The following SP5 variants were observed in gnomAD, a reference collection of about 807,000 sequenced individuals.
SP5 encodes Sp5 transcription factor, also known as transcription factor Sp5.
In SP5, 12 loss-of-function variants were observed where a neutral mutation model predicts 27.4. The observed-to-expected ratio is 0.44, with a 90% confidence interval of 0.28 to 0.71. The LOEUF is 0.71. Ranked by LOEUF, SP5 falls within the 30% of genes least tolerant of loss-of-function variation. SP5 has a pLI of 0.15. For synonymous variants in SP5, 330 were observed against 290.7 expected (o/e 1.14, Z -1.38); for missense variants, 660 against 589.8 (o/e 1.12, Z -1.23).
chr2:170,715,388 A>G lies in SP5; in HGVS notation c.-125A>G. On this transcript the variant is annotated 5_prime_UTR_variant, in exon 1 of 2. Transcript: ENST00000375281. The stretch of plus-strand genomic sequence containing the variant: ...GGCGCGGCGAGGGGCAAGGGCGGGG[A>G]GGGCCCCGGCGCTCAGAGCAGGCGC... 7.7e-7 allele frequency: 1 copy of G among 1,294,162 alleles called. No individual in the cohort carries two copies. The highest frequency in any genetic ancestry group is 1.0e-6 in the Non-Finnish European group (1 of 987,844). The allele number at this position is 1,294,162 out of a possible 1,614,324, so 80.2% of individuals were successfully genotyped here.
At chr2:170,715,745 G>C in intron 1 of SP5, 182 bp downstream of exon 1, 1 of 985,446 alleles carries the variant, frequency 1.0e-6, no homozygotes, top group Non-Finnish European at 1.2e-6. Context: ...CTGGAGGGAC[G>C]CGTGGATCCG....
intron 1 of SP5, 54 bp from the exon 2 acceptor site, chr2:170,716,205 G>A (rs1248597080): frequency 6.5e-7 from 1 of 1,541,828 alleles, no homozygotes; most frequent in South Asian, 1.2e-5. Context: ...CCCGGAGTCC[G>A]CGCTTGGAGC....
chr2:170,716,135 G>A, intron 1 of SP5, 124 bp from the exon 2 acceptor site: 1 of 1,411,540 alleles, frequency 7.1e-7, no homozygotes, highest in Admixed American at 3.0e-5. Flanking sequence ...GGCGGGGGAG[G>A]GACGGCCGGG....
chr2:170,717,496 C>T lies in SP5; in HGVS notation c.*92C>T, dbSNP rs1445596996. On this transcript the variant is annotated 3_prime_UTR_variant, in exon 2 of 2. Transcript: ENST00000375281. ...GCGGAGGGGAGACTCAGCAGACGGA[C>T]CCTCTCCGTTGCCTGCCTCCCAAAA... 6.7e-7 allele frequency: 1 copy of T among 1,485,182 alleles called. No homozygotes were observed. The highest frequency in any genetic ancestry group is 9.0e-7 in the Non-Finnish European group (1 of 1,108,790). The allele number at this position is 1,485,182 out of a possible 1,614,324, so 92.0% of individuals were successfully genotyped here. A position where few individuals can be genotyped will look rare whatever the true frequency, so the allele number is the denominator to read the frequency against.
rs1700077450 is a variant in SP5, at chr2:170,716,699, T to TCCGCCGCCGCCACCGCCC, written c.501_518dup (p.Pro168_Pro173dup). 5.3e-6 allele frequency: 8 copies of TCCGCCGCCGCCACCGCCC among 1,521,458 alleles called. No homozygotes were observed. Among genetic ancestry groups the TCCGCCGCCGCCACCGCCC allele is most frequent in the East Asian group, 2.7e-5 (1 of 36,972 alleles). 94.2% of individuals were successfully genotyped at this position (1,521,458 alleles called of 1,614,324 possible). Reference sequence around the variant, plus strand: ...CGCCAGGCTACTCCAACCTGCTGCCTCCGCCGCCGCCACCGCCCCCGCCGC... The same window carrying TCCGCCGCCGCCACCGCCC: ...CGCCAGGCTACTCCAACCTGCTGCCTCCGCCGCCGCCACCGCCCCCGCCGCCGCCACCGCCCCCGCCGC... On this transcript the variant is annotated inframe_insertion, in exon 2 of 2. Transcript: ENST00000375281.
chr2:170,716,671 T>G lies in SP5; in HGVS notation c.464T>G (p.Leu155Arg). 1 of 1,595,840 alleles carries G rather than the reference T, an allele frequency of 6.3e-7. No individual in the cohort carries two copies. The highest frequency in any genetic ancestry group is 8.5e-7 in the Non-Finnish European group (1 of 1,174,598). ...AYVPYAAQAA[L>R]PPGYSNLLPP... ...GTGCCCTACGCGGCGCAGGCCGCGC[T>G]GCCGCCAGGCTACTCCAACCTGCTG... Residue 155 changes from leucine to arginine, a missense_variant, in exon 2 of 2, where the codon CTG becomes CGG. Transcript: ENST00000375281.
chr2:170,716,084 A>G, intron 1 of SP5, 175 bp from the exon 2 acceptor site: 2 of 1,403,692 alleles, frequency 1.4e-6, no homozygotes, highest in Non-Finnish European at 1.8e-6. Flanking sequence ...GCAGGCACCA[A>G]AAGTTTCCCT....
rs1433762609 is a variant in SP5, at chr2:170,716,450, G to T, written c.243G>T (p.Ser81=). 6.2e-7 allele frequency: 1 copy of T among 1,604,500 alleles called. No homozygotes were observed. Among genetic ancestry groups the T allele is most frequent in the Non-Finnish European group, 8.5e-7 (1 of 1,178,850 alleles). ...GGACCGCCGACATGCCGGCGCACTC[G>T]CCAGGCGCACTGCCGCCCCCGCATC... ...HPWTADMPAH[S]PGALPPPHPS... The change falls in exon 2 of 2, where the codon TCG becomes TCT. Residue 81 remains serine (S), a synonymous_variant. Transcript: ENST00000375281.
intron 1 of SP5, 41 bp downstream of exon 1, chr2:170,715,604 G>T: frequency 6.5e-7 from 1 of 1,537,240 alleles, no homozygotes; most frequent in East Asian, 2.5e-5. Flanking sequence ...AAGGTGGAAA[G>T]GGCCGTGTCC....
At chr2:170,715,632 C>T in intron 1 of SP5, 69 bp downstream of exon 1, 3 of 1,511,440 alleles carry the variant, frequency 2.0e-6, no homozygotes, top group Non-Finnish European at 2.7e-6. Context: ...TCCTGGTACT[C>T]CGTGCACCTT....
At chr2:170,715,875 G>A (rs1329946158) in intron 1 of SP5, 2 of 985,324 alleles carry the variant, frequency 2.0e-6, no homozygotes, top group South Asian at 4.7e-5. Context: ...GAGGACAAGA[G>A]AGCTTAAAAG....
chr2:170,715,488 A>C lies in SP5; in HGVS notation c.-25A>C, dbSNP rs115371253. Reference sequence around the variant, plus strand: ...CCTCGGCGGCGGCGTCCCGCTCCGCAGCCAGGGGCCTGCAAGCCGTAGCCA... The same window carrying C: ...CCTCGGCGGCGGCGTCCCGCTCCGCCGCCAGGGGCCTGCAAGCCGTAGCCA... On this transcript the variant is annotated 5_prime_UTR_variant, in exon 1 of 2. Transcript: ENST00000375281. 1,705 of 1,546,030 alleles carry C rather than the reference A, an allele frequency of 1.1e-3. 14 individuals carry two copies. The African/African-American group carries it at 0.02, about 19-fold the overall frequency.
rs1326104814 is a variant in SP5 at position 170,716,605 on chromosome 2, C to T, written c.398C>T (p.Ser133Leu). 1 of 1,609,570 alleles carries T rather than the reference C, an allele frequency of 6.2e-7. No individual in the cohort carries two copies. Among genetic ancestry groups the T allele is most frequent in the Non-Finnish European group, 8.5e-7 (1 of 1,178,692 alleles). Residue 133 changes from serine (S) to leucine (L), a missense_variant, in exon 2 of 2, where the codon TCG becomes TTG. By Grantham distance (145) the Ser-to-Leu change is moderately radical. Transcript: ENST00000375281. ...YEFSPVKMLPSSMAALPASCA... is the reference protein window; with the variant it reads ...YEFSPVKMLPLSMAALPASCA... ...TTCTCGCCGGTCAAGATGCTGCCCT[C>T]GAGCATGGCGGCTCTGCCCGCCAGC...
In SP5 at chr2:170,716,349, G is replaced by A; in HGVS notation, c.142G>A (p.Ala48Thr). The A allele has an allele frequency of 1.3e-6, 2 of 1,596,030 alleles. No individual in the cohort carries two copies. The highest frequency in any genetic ancestry group is 1.3e-5 in the African/African-American group (1 of 74,880). The change falls in exon 2 of 2, where the codon GCG (alanine) becomes ACG (threonine). Residue 48 changes from alanine (A) to threonine (T), a missense_variant. Coordinates refer to ENST00000375281, the MANE Select transcript of SP5 (RefSeq NM_001003845.3). ...ATCSRIGQPGAAAPPDFLQVP... is the reference protein window; with the variant it reads ...ATCSRIGQPGTAAPPDFLQVP... ...CTGTAGCCGCATCGGCCAGCCGGGC[G>A]CGGCGGCGCCCCCGGACTTCCTGCA...
chr2:170,716,762 C>G lies in SP5; in HGVS notation c.555C>G (p.Asp185Glu). Residue 185 changes from aspartate to glutamate, a missense_variant, in exon 2 of 2, where the codon GAC becomes GAG. By Grantham distance (45) the Asp-to-Glu change is conservative. Transcript: ENST00000375281. ...AGTTGTCACCCAACCCGGCCCCCGA[C>G]GACCTCCCGTGGTGGAGCATCCCGC... ...CRQLSPNPAP[D>E]DLPWWSIPQA... 1.4e-6 allele frequency: 2 copies of G among 1,457,436 alleles called. No individual in the cohort carries two copies. Among genetic ancestry groups the G allele is most frequent in the Non-Finnish European group, 1.8e-6 (2 of 1,111,206 alleles). 90.3% of individuals were successfully genotyped at this position (1,457,436 alleles called of 1,614,324 possible). A position where few individuals can be genotyped will look rare whatever the true frequency, so the allele number is the denominator to read the frequency against.
At position 170,715,410 on chromosome 2, in the gene SP5, G is replaced by C; in HGVS notation, c.-103G>C. 2.0e-6 allele frequency: 3 copies of C among 1,468,822 alleles called. No individual in the cohort carries two copies. Among genetic ancestry groups the C allele is most frequent in the African/African-American group, 1.5e-5 (1 of 68,444 alleles). The allele number at this position is 1,468,822 out of a possible 1,614,324, so 91.0% of individuals were successfully genotyped here. ...GGGAGGGCCCCGGCGCTCAGAGCAG[G>C]CGCCAGGGAGGCAGGCTGGGCGGCC... is the stretch of plus-strand genomic sequence containing the variant. On this transcript the variant is annotated 5_prime_UTR_variant, in exon 1 of 2. Transcript: ENST00000375281.
Position 170,716,015 on chromosome 2 carries a change from C to T in SP5, c.52-244C>T, listed in dbSNP as rs1424685387. 4 of 1,372,414 alleles carry T rather than the reference C, an allele frequency of 2.9e-6. No homozygotes were observed. In the Admixed American group the frequency reaches 1.1e-4, roughly 36 times the overall value. The allele number at this position is 1,372,414 out of a possible 1,614,324, so 85.0% of individuals were successfully genotyped here. A position where few individuals can be genotyped will look rare whatever the true frequency, so the allele number is the denominator to read the frequency against. ...GCCTGCTTCCTCTAAGGCTGGATGG[C>T]GTCTCAGTGCACCAAGTAGTTTAGC... On this transcript the variant is annotated intron_variant, in intron 1 of 1. Coordinates refer to ENST00000375281, the MANE Select transcript of SP5 (RefSeq NM_001003845.3).
chr2:170,717,408 C>T lies in SP5; in HGVS notation c.*4C>T. 3.7e-6 allele frequency: 6 copies of T among 1,609,920 alleles called. No individual in the cohort carries two copies. Among genetic ancestry groups the T allele is most frequent in the Non-Finnish European group, 5.1e-6 (6 of 1,179,814 alleles). On this transcript the variant is annotated 3_prime_UTR_variant, in exon 2 of 2. Transcript: ENST00000375281. ...GGAGGACGCGCGGGACCTGTGAGCC[C>T]TCCCGGAGGTGGACCCCCTTCCCAG...
chr2:170,715,911 G>A, intron 1 of SP5: 2 of 1,332,170 alleles, frequency 1.5e-6, no homozygotes, highest in Non-Finnish European at 1.9e-6. Context: ...GCCGGCCGGC[G>A]GGGTTGTGGG....
Sources: gnomAD v4.1 joint callset for allele counts on GRCh38, gnomAD v4.1.1 for gene constraint, MANE v1.5 for transcripts, NCBI Gene and HGNC (gene_info 2026-07-23, HGNC 2026-07-21) for gene names.